The following DHX36 variants were observed in gnomAD, a reference collection of about 807,000 sequenced individuals.
The protein encoded by DHX36 is DEAH-box helicase 36, also known as ATP-dependent DNA/RNA helicase DHX36.
In DHX36, 50 loss-of-function variants were observed where a neutral mutation model predicts 139.0. The observed-to-expected ratio is 0.36, with a 90% CI of 0.29 to 0.46. The LOEUF (loss-of-function observed/expected upper bound fraction) is 0.46. DHX36 is among the 20% of genes least tolerant of loss of function. The probability of loss-of-function intolerance (pLI) is 1.00; values close to 1 mark genes in which losing one functional copy is unlikely to be tolerated. For missense variants in DHX36, 1,024 were observed against 1,211.3 expected, an observed-to-expected ratio of 0.85 and a Z score of 2.29; for synonymous variants, 425 against 401.9, an observed-to-expected ratio of 1.06 and a Z score of -0.69.
chr3:154,317,935 A>C (rs1713046946), intron 1 of DHX36, among the ~76,000 whole-genome samples: 1 of 152,216 alleles, frequency 6.6e-6, no homozygotes, highest in South Asian at 2.1e-4. Context: ...TGCAACTCTT[A>C]TCTTCTCTTC....
chr3:154,285,598 A>C (rs1161765534), intron 17 of DHX36, among the ~76,000 whole-genome samples: 1 of 152,198 alleles, frequency 6.6e-6, no homozygotes, highest in Non-Finnish European at 1.5e-5. Context: ...TTTTCCTGGC[A>C]GAAAGGAACA....
intron 1 of DHX36, among the ~76,000 whole-genome samples, chr3:154,321,357 G>C (rs1043337006): frequency 1.3e-5 from 2 of 152,084 alleles, no homozygotes; most frequent in Admixed American, 6.5e-5. Context: ...CCTTTGCCTG[G>C]AATCTTTTCC....
At chr3:154,300,722 G>C (rs1291142406) in intron 10 of DHX36, 26 bp from the exon 11 acceptor site, 1 of 1,554,638 alleles carries the variant, frequency 6.4e-7, no homozygotes, top group Non-Finnish European at 8.8e-7. Context: ...ACAAAGTCAT[G>C]AAATACTTAA....
chr3:154,293,152 C>T (rs1711888614), intron 14 of DHX36, among the ~76,000 whole-genome samples: 2 of 152,146 alleles, frequency 1.3e-5, no homozygotes, highest in African/African-American at 4.8e-5. Flanking sequence ...TTACCAAATA[C>T]TACCCCCAAC....
chr3:154,280,353 T>C (rs1179226313), intron 22 of DHX36: 2 of 465,222 alleles, frequency 4.3e-6, no homozygotes, highest in Non-Finnish European at 7.6e-6. Context: ...TGTGGTAGCA[T>C]TCTTTGTGAA....
chr3:154,293,647 A>T lies in DHX36; in HGVS notation c.1670+101T>A, dbSNP rs531698177. 3 of 810,056 alleles carry T rather than the reference A, an allele frequency of 3.7e-6. No homozygotes were observed. In the South Asian group the frequency reaches 6.1e-5, roughly 17 times the overall value. 50.2% of individuals were successfully genotyped at this position (810,056 alleles called of 1,614,324 possible). The stretch of plus-strand genomic sequence containing the variant: ...AAAAAGGTTTTATTTTTAATAAATT[A>T]CAAGGTATATGGTAGAGAAAAAAGA... On this transcript the variant is annotated intron_variant, in intron 14 of 24. Transcript: ENST00000496811.
intron 8 of DHX36, among the ~76,000 whole-genome samples, chr3:154,304,434 T>C (rs182481628): frequency 1.6e-4 from 24 of 152,304 alleles, no homozygotes; most frequent in Admixed American, 2.6e-4. Context: ...ACCTGGAACA[T>C]TGAAGGTGTT....
At chr3:154,315,507 T>G (rs1344067105) in intron 2 of DHX36, among the ~76,000 whole-genome samples, 1 of 152,158 alleles carries the variant, frequency 6.6e-6, no homozygotes, top group East Asian at 1.9e-4. Flanking sequence ...TTCCTTGTGA[T>G]AGTTAAAAAT....
In DHX36 at chr3:154,276,371, A is replaced by G. The variant is rs772626850; in HGVS notation, c.2842-15T>C. ...TTTCTTAATTCCTAAGGTTGGAAAA[A>G]TTATACATGTTCAACAAAGGCAGAT... is the stretch of plus-strand genomic sequence containing the variant. On this transcript the variant is annotated splice_polypyrimidine_tract_variant and intron_variant, in intron 24 of 24. Transcript: ENST00000496811. The G allele has an allele frequency of 1.2e-6, 2 of 1,602,046 alleles. No individual in the cohort carries two copies. The highest frequency in any genetic ancestry group is 1.7e-6 in the Non-Finnish European group (2 of 1,174,836).
chr3:154,284,921 G>A lies in DHX36; in HGVS notation c.2098C>T (p.Pro700Ser). 10 of 1,614,130 alleles carry A rather than the reference G, an allele frequency of 6.2e-6. No homozygotes were observed. Among genetic ancestry groups the A allele is most frequent in the Non-Finnish European group, 8.5e-6 (10 of 1,180,006 alleles). ...AAAAGAATCATTTTTCCAATATGTG[G>A]CTCAACGGGTAATCGTGCCAAGTGG... ...GVHLARLPVE[P>S]HIGKMILFGA... The change falls in exon 18 of 25, where the codon CCA (proline) becomes TCA (serine). Residue 700 changes from proline to serine, a missense_variant. Pro to Ser is a moderately conservative substitution (Grantham distance 74, BLOSUM62 -1). This residue lies in a region of DHX36 where 470 missense variants were observed against 616.2 expected (regional missense o/e 0.76). Transcript: ENST00000496811.
intron 19 of DHX36, 121 bp downstream of exon 19, chr3:154,284,462 T>G: frequency 1.2e-6 from 1 of 816,304 alleles, no homozygotes; most frequent in Non-Finnish European, 1.9e-6. Context: ...ATTACAGGCA[T>G]GAGCCACCGC....
intron 1 of DHX36, among the ~76,000 whole-genome samples, chr3:154,318,904 G>A (rs1336210266): frequency 6.6e-6 from 1 of 152,126 alleles, no homozygotes; most frequent in Non-Finnish European, 1.5e-5. Context: ...TCTGGTACAT[G>A]GTATGTGCCC....
At chr3:154,291,264 T>A (rs550567667) in intron 15 of DHX36, among the ~76,000 whole-genome samples, 1 of 152,294 alleles carries the variant, frequency 6.6e-6, no homozygotes, top group East Asian at 1.9e-4. Flanking sequence ...AAAGACTGTT[T>A]TCCTTTTAAA....
At chr3:154,301,947 C>T (rs1487044236) in intron 9 of DHX36, among the ~76,000 whole-genome samples, 1 of 151,924 alleles carries the variant, frequency 6.6e-6, no homozygotes, top group African/African-American at 2.4e-5. Flanking sequence ...GAATATCCCT[C>T]CTCTGCTACT....
chr3:154,289,845 C>G lies in DHX36; in HGVS notation c.1815-19G>C. 1.4e-6 allele frequency: 2 copies of G among 1,437,130 alleles called. No individual in the cohort carries two copies. The highest frequency in any genetic ancestry group is 1.9e-6 in the Non-Finnish European group (2 of 1,042,446). The allele number at this position is 1,437,130 out of a possible 1,614,324, so 89.0% of individuals were successfully genotyped here. ...TTGAACTCTTAAAAAAAAAACAAAA[C>G]AAAATGAAACAAAGAGGGACAGTCA... On this transcript the variant is annotated intron_variant, in intron 15 of 24. Transcript: ENST00000496811.
In DHX36 at chr3:154,304,947, C is replaced by T. The variant is rs1459672619; in HGVS notation, c.994G>A (p.Val332Ile). Residue 332 changes from valine to isoleucine, a missense_variant, in exon 8 of 25, where the codon GTA (valine) becomes ATA (isoleucine). By Grantham distance (29) the Val-to-Ile change is conservative (BLOSUM62 3). Coordinates refer to ENST00000496811, the MANE Select transcript of DHX36 (RefSeq NM_020865.3). ...TTTCTTTCATGGATTTCATCAAGTA[C>T]GATATGACTAACACTGGACAAATAC... Reference protein sequence around the residue: ...DPYLSSVSHIVLDEIHERNLQ... With the variant: ...DPYLSSVSHIILDEIHERNLQ... The T allele has an allele frequency of 7.5e-6, 12 of 1,609,564 alleles. No individual in the cohort carries two copies. The highest frequency in any genetic ancestry group is 2.2e-5 in the East Asian group (1 of 44,782).
intron 5 of DHX36, among the ~76,000 whole-genome samples, chr3:154,308,609 T>C (rs1468855505): frequency 6.6e-6 from 1 of 152,092 alleles, no homozygotes; most frequent in South Asian, 2.1e-4. Flanking sequence ...GGACCAGAAG[T>C]GTTTCCGGTT....
At chr3:154,302,207 A>T (rs1365521350) in intron 9 of DHX36, among the ~76,000 whole-genome samples, 1 of 152,202 alleles carries the variant, frequency 6.6e-6, no homozygotes, top group Non-Finnish European at 1.5e-5. Flanking sequence ...AAAGAAATAA[A>T]AATGAGAAAG....
At chr3:154,307,275 G>A (rs1345477365) in intron 5 of DHX36, among the ~76,000 whole-genome samples, 1 of 151,978 alleles carries the variant, frequency 6.6e-6, no homozygotes, top group Non-Finnish European at 1.5e-5. Context: ...AGACAAATGG[G>A]AATTAACTAA....
Sources: gnomAD v4.1 joint callset for allele counts (sites outside exome capture counted in the v4.1 genomes callset) on GRCh38, gnomAD v4.1.1 for gene constraint, gnomAD v4.1.1 regional missense constraint, MANE v1.5 for transcripts, NCBI Gene and HGNC (gene_info 2026-07-23, HGNC 2026-07-21) for gene names.